PIK3CD: variants seen among roughly 807,000 people sequenced by gnomAD.
PIK3CD encodes the protein phosphatidylinositol-4,5-bisphosphate 3-kinase catalytic subunit delta.
Under a neutral mutation model 122.9 loss-of-function variants are expected in PIK3CD, and 20 were observed. That is an observed-to-expected ratio of 0.16 (90% CI 0.11 to 0.24). The LOEUF (loss-of-function observed/expected upper bound fraction) is 0.24, where lower values mean the gene tolerates loss of function less well. Ranked by LOEUF, PIK3CD falls within the 10% of genes least tolerant of loss-of-function variation. The probability of loss-of-function intolerance (pLI) is 1.00; values close to 1 mark genes in which losing one functional copy is unlikely to be tolerated. For synonymous variants in PIK3CD, 596 were observed against 593.4 expected, an observed-to-expected ratio of 1.00 and a Z score of -0.06; for missense variants, 787 against 1,406.3, an observed-to-expected ratio of 0.56 and a Z score of 7.04.
chr1:9,646,890 G>A (rs1644614213), upstream of PIK3CD, among the ~76,000 whole-genome samples: 1 of 151,626 alleles, frequency 6.6e-6, no homozygotes, highest in Non-Finnish European at 1.5e-5. Flanking sequence ...GGGAGGCGGA[G>A]GTTGCAGTGA....
At chr1:9,674,477 C>T (rs1012583547) in intron 1 of PIK3CD, among the ~76,000 whole-genome samples, 2 of 151,842 alleles carry the variant, frequency 1.3e-5, no homozygotes, top group Non-Finnish European at 2.9e-5. Flanking sequence ...GTCAGGAGTT[C>T]TAGACTGGTC....
intron 2 of PIK3CD, among the ~76,000 whole-genome samples, chr1:9,696,580 C>A (rs1303311097): frequency 6.7e-6 from 1 of 148,488 alleles, no homozygotes; most frequent in Non-Finnish European, 1.5e-5. Flanking sequence ...AGTGAGACCC[C>A]ATCTCTACAA....
At chr1:9,701,469 C>T (rs1474675338) in intron 2 of PIK3CD, among the ~76,000 whole-genome samples, 13 of 152,092 alleles carry the variant, frequency 8.5e-5, no homozygotes, top group African/African-American at 3.1e-4. Context: ...GTCAGGGGTT[C>T]AGGACCAGCC....
chr1:9,644,449 C>T, the PIK3CD span, among the ~76,000 whole-genome samples: 30,175 of 147,384 alleles, frequency 0.2, 3,549 homozygotes, highest in African/African-American at 0.34. Context: ...ACCCAGGAAG[C>T]GGAGGTTGCA....
In PIK3CD at chr1:9,692,311, G is replaced by A. The variant is rs535195258; in HGVS notation, c.-33+740G>A. Among the ~76,000 whole-genome samples, 3 of 152,358 alleles carry A rather than the reference G, an allele frequency of 2.0e-5. No individual in the cohort carries two copies. In the East Asian group the frequency reaches 5.8e-4, roughly 29 times the overall value. On this transcript the variant is annotated intron_variant, in intron 2 of 23. Coordinates refer to ENST00000377346, the MANE Select transcript of PIK3CD (RefSeq NM_005026.5). ...CGCTACTGTCATTTCAGGATGGAAAGGGGCAGGGGTTAGAGCGCGGTGGCG... is the reference window on the plus strand; with the variant it reads ...CGCTACTGTCATTTCAGGATGGAAAAGGGCAGGGGTTAGAGCGCGGTGGCG...
chr1:9,721,406 C>A (rs562247066), intron 14 of PIK3CD, 38 bp from the exon 15 acceptor site: 7 of 1,611,506 alleles, frequency 4.3e-6, no homozygotes, highest in Non-Finnish European at 5.9e-6. Flanking sequence ...TGTCCTGAGT[C>A]GGGGAGCTCC....
rs1447546264 is a variant in PIK3CD at position 9,689,560 on chromosome 1, G to A, written c.-137-1907G>A. On this transcript the variant is annotated intron_variant, in intron 1 of 23. Transcript: ENST00000377346. The surrounding 1 kb of genome is among the most constrained non-coding windows in gnomAD (Gnocchi z 6.1). ...GGGCCGCGCCCCTCCGCCGAGCCCC[G>A]CTTGCCTGCACCTCGCGCGGCGGGC... Among the ~76,000 whole-genome samples the A allele has an allele frequency of 2.1e-5, 3 of 142,716 alleles. No individual in the cohort carries two copies. Among genetic ancestry groups the A allele is most frequent in the Admixed American group, 7.0e-5 (1 of 14,228 alleles). The allele number at this position is 142,716 out of a possible 152,430, so 93.6% of individuals were successfully genotyped here.
intron 1 of PIK3CD, among the ~76,000 whole-genome samples, chr1:9,671,778 A>G (rs1401499569): frequency 6.6e-6 from 1 of 152,180 alleles, no homozygotes; most frequent in Non-Finnish European, 1.5e-5. Flanking sequence ...CAAGGTAGGA[A>G]GGAGCTTGGG....
intron 1 of PIK3CD, among the ~76,000 whole-genome samples, chr1:9,684,353 A>G: frequency 6.6e-6 from 1 of 152,082 alleles, no homozygotes; most frequent in Admixed American, 6.6e-5. Context: ...CCTGGCCAAC[A>G]TGATGAAACC....
chr1:9,660,446 T>C (rs1157666454), intron 1 of PIK3CD, among the ~76,000 whole-genome samples: 3 of 152,216 alleles, frequency 2.0e-5, no homozygotes, highest in Non-Finnish European at 4.4e-5. Context: ...CACTTAACAT[T>C]GGCTCATTAA....
At chr1:9,641,144 G>A in the PIK3CD span, among the ~76,000 whole-genome samples, 1 of 152,152 alleles carries the variant, frequency 6.6e-6, no homozygotes, top group Non-Finnish European at 1.5e-5. Flanking sequence ...GGGGGTTGCG[G>A]GGGCGGCAGG....
chr1:9,719,984 G>C lies in PIK3CD; in HGVS notation c.1306G>C (p.Glu436Gln). 6.2e-7 allele frequency: 1 copy of C among 1,613,736 alleles called. No individual in the cohort carries two copies. Among genetic ancestry groups the C allele is most frequent in the Non-Finnish European group, 8.5e-7 (1 of 1,180,020 alleles). Residue 436 changes from glutamate to glutamine, a missense_variant, in exon 10 of 24, where the codon GAA (glutamate) becomes CAA (glutamine). Physicochemically the swap from Glu to Gln is conservative, Grantham distance 29. Transcript: ENST00000377346. The surrounding 1 kb of genome is among the most constrained non-coding windows in gnomAD (Gnocchi z 5.5). ...FDYKDQLKTG[E>Q]RCLYMWPSVP... Reference sequence around the variant, plus strand: ...CTACAAGGACCAGCTTAAGACCGGGGAACGCTGCCTCTACATGTGGCCCTC... The same window carrying C: ...CTACAAGGACCAGCTTAAGACCGGGCAACGCTGCCTCTACATGTGGCCCTC...
chr1:9,683,588 G>A (rs953453471), intron 1 of PIK3CD, among the ~76,000 whole-genome samples: 6 of 152,124 alleles, frequency 3.9e-5, no homozygotes, highest in African/African-American at 1.4e-4. Flanking sequence ...CACGGCTTCG[G>A]CGTCAGTTTC....
At position 9,715,816 on chromosome 1, in the gene PIK3CD, C is replaced by T. The variant is rs1455378791; in HGVS notation, c.371-33C>T. 6.2e-7 allele frequency: 1 copy of T among 1,611,276 alleles called. No homozygotes were observed. The highest frequency in any genetic ancestry group is 1.7e-5 in the Admixed American group (1 of 59,970). ...TGTGGCCGGGCTGGCCCTGCCTGCC[C>T]CACCCGCTGACCCAGCCCTCCCCAC... On this transcript the variant is annotated intron_variant, in intron 4 of 23. Transcript: ENST00000377346. This position sits in a 1 kb window ranked among gnomAD's most constrained non-coding sequence, Gnocchi z 4.1.
chr1:9,641,036 CCT>C, the PIK3CD span, among the ~76,000 whole-genome samples: 3 of 152,174 alleles, frequency 2.0e-5, no homozygotes, highest in Non-Finnish European at 4.4e-5. Context: ...TCCCCCTTCC[CCT>C]GTCTCTCCCC....
intron 1 of PIK3CD, among the ~76,000 whole-genome samples, chr1:9,657,390 G>T (rs889115449): frequency 6.6e-6 from 1 of 152,078 alleles, no homozygotes; most frequent in African/African-American, 2.4e-5. Flanking sequence ...TATTTTCTGG[G>T]GACGGTGGGA....
chr1:9,707,886 T>C (rs963251794), intron 2 of PIK3CD, among the ~76,000 whole-genome samples: 16 of 151,630 alleles, frequency 1.1e-4, no homozygotes. Context: ...CTCTGCCTCC[T>C]GGGTTCATGC....
At chr1:9,680,405 T>C (rs1645704721) in intron 1 of PIK3CD, among the ~76,000 whole-genome samples, 1 of 151,960 alleles carries the variant, frequency 6.6e-6, no homozygotes, top group African/African-American at 2.4e-5. Flanking sequence ...AGCCTAGAAG[T>C]TCAAGACCAG....
chr1:9,638,004 G>A, the PIK3CD span, among the ~76,000 whole-genome samples: 1 of 152,064 alleles, frequency 6.6e-6, no homozygotes, highest in Non-Finnish European at 1.5e-5. Flanking sequence ...CTACTCGGGA[G>A]GCAGAGGCAG....
Sources: gnomAD v4.1 joint callset for allele counts (sites outside exome capture counted in the v4.1 genomes callset) on GRCh38, gnomAD v4.1.1 for gene constraint, Gnocchi (gnomAD v3.1) non-coding constraint, MANE v1.5 for transcripts, NCBI Gene and HGNC (gene_info 2026-07-23, HGNC 2026-07-21) for gene names.